The following TBC1D4 variants were observed in gnomAD, a reference collection of about 807,000 sequenced individuals.
TBC1D4 encodes TBC1 domain family member 4, also known as TBC (Tre-2, BUB2, CDC16) domain-containing protein.
A neutral mutation model predicts 142.5 loss-of-function variants in TBC1D4; 121 were observed. That is an observed-to-expected ratio of 0.85 (90% confidence interval 0.73 to 0.99). The LOEUF (loss-of-function observed/expected upper bound fraction) is 0.99. Among genes scored for constraint, TBC1D4 ranks in the 50% least tolerant of loss-of-function variants. The pLI is 0.00. For synonymous variants in TBC1D4, 630 were observed against 628.2 expected, an observed-to-expected ratio of 1.00 and a Z score of -0.04; for missense variants, 1,475 against 1,606.6, an observed-to-expected ratio of 0.92 and a Z score of 1.40.
chr13:75,339,724 C>T (rs935927713), intron 7 of TBC1D4, among the ~76,000 whole-genome samples: 4 of 147,132 alleles, frequency 2.7e-5, no homozygotes, highest in Admixed American at 2.7e-4. Flanking sequence ...TACAGGCACA[C>T]ACCACCACAC....
rs544956387 is a variant in TBC1D4, at chr13:75,469,519, C to T, written c.498+11751G>A. Reference sequence around the variant, plus strand: ...GGTGCTGTGGCTCATACCTGTAATCCCAGCACTTTAGGGGGCTGAAGCAAG... The same window carrying T: ...GGTGCTGTGGCTCATACCTGTAATCTCAGCACTTTAGGGGGCTGAAGCAAG... On this transcript the variant is annotated intron_variant, in intron 1 of 20. Transcript: ENST00000377636. 3.9e-5 allele frequency among the ~76,000 whole-genome samples: 6 copies of T among 152,194 alleles called. No homozygotes were observed. In the South Asian group the frequency reaches 1.2e-3, roughly 32 times the overall value.
At chr13:75,337,192 A>G (rs138694391) in intron 7 of TBC1D4, 152 bp from the exon 8 acceptor site, 3 of 676,904 alleles carry the variant, frequency 4.4e-6, no homozygotes, top group Non-Finnish European at 7.5e-6. Context: ...CACTGTGAAC[A>G]TAATGCTTAT....
chr13:75,314,359 A>G (rs544502177), intron 12 of TBC1D4, among the ~76,000 whole-genome samples: 3 of 152,292 alleles, frequency 2.0e-5, no homozygotes, highest in East Asian at 3.9e-4. Context: ...ACTCTCAGAT[A>G]CTCAAAGGAA....
rs767167235 is a variant in TBC1D4, at chr13:75,289,049, T to C, written c.3548A>G (p.Gln1183Arg). ...ATATGAAGATTCCTGAAGCTCATCC[T>C]GTAGCACATGATATTCCACCTCATA... ...HAYEVEYHVL[Q>R]DELQESSYSC... The change falls in exon 20 of 21, where the codon CAG (glutamine) becomes CGG (arginine). Residue 1183 changes from glutamine to arginine, a missense_variant. Physicochemically the swap from Gln to Arg is conservative, Grantham distance 43. Around this residue, in one of 2 missense-constraint regions of TBC1D4, gnomAD observed 248 missense variants for 338.9 expected, o/e 0.73. Coordinates refer to ENST00000377636, the MANE Select transcript of TBC1D4 (RefSeq NM_014832.5). The C allele has an allele frequency of 6.2e-7, 1 of 1,613,866 alleles. No homozygotes were observed. Among genetic ancestry groups the C allele is most frequent in the Non-Finnish European group, 8.5e-7 (1 of 1,179,922 alleles).
rs575892895 is a variant in TBC1D4, at chr13:75,408,143, GATTTA to G, written c.499-45541_499-45537del. 1.1e-4 allele frequency among the ~76,000 whole-genome samples: 17 copies of G among 152,098 alleles called. No individual in the cohort carries two copies. In the South Asian group the frequency reaches 3.5e-3, roughly 32 times the overall value. On this transcript the variant is annotated intron_variant, in intron 1 of 20. Transcript: ENST00000377636. ...ACCTTACCCCCTTCCCCCAAACACT[GATTTA>G]ATTTCTCTATGTATAGATTTAACTA...
At chr13:75,353,228 A>G (rs1361704881) in intron 4 of TBC1D4, among the ~76,000 whole-genome samples, 1 of 152,202 alleles carries the variant, frequency 6.6e-6, no homozygotes, top group Non-Finnish European at 1.5e-5. Context: ...TCCAAAACTC[A>G]TTCTACATGC....
chr13:75,424,327 GA>G (rs1156367888), intron 1 of TBC1D4, among the ~76,000 whole-genome samples: 1 of 148,848 alleles, frequency 6.7e-6, no homozygotes, highest in Non-Finnish European at 1.5e-5. Context: ...TGTGAATGCA[GA>G]ATTGCTCTAA....
intron 14 of TBC1D4, among the ~76,000 whole-genome samples, chr13:75,307,487 ACTT>A (rs1353632252): frequency 6.6e-6 from 1 of 152,144 alleles, no homozygotes; most frequent in Non-Finnish European, 1.5e-5. Context: ...ACAAGAGTAT[ACTT>A]CTTCTCTTCA....
intron 5 of TBC1D4, among the ~76,000 whole-genome samples, chr13:75,344,158 A>G (rs926824879): frequency 1.3e-5 from 2 of 152,144 alleles, no homozygotes; most frequent in African/African-American, 4.8e-5. Flanking sequence ...CACTATCACA[A>G]TTTATTATTT....
intron 7 of TBC1D4, among the ~76,000 whole-genome samples, chr13:75,338,266 C>T (rs1880391209): frequency 6.6e-6 from 1 of 151,438 alleles, no homozygotes; most frequent in East Asian, 1.9e-4. Context: ...AGAAAGGCCC[C>T]ACCAAGAAAG....
chr13:75,346,747 T>C (rs763293972), intron 5 of TBC1D4, among the ~76,000 whole-genome samples: 1 of 152,016 alleles, frequency 6.6e-6, no homozygotes, highest in African/African-American at 2.4e-5. Context: ...AGTGACGGAG[T>C]GTAGATCAAA....
intron 9 of TBC1D4, among the ~76,000 whole-genome samples, 199 bp from the exon 10 acceptor site, chr13:75,326,622 G>A (rs77271922): frequency 0.032 from 4,895 of 152,238 alleles, 262 homozygotes; most frequent in African/African-American, 0.11. Flanking sequence ...ATAAGCAGCT[G>A]TAATCAGTAT....
rs767381896 is a variant in TBC1D4, at chr13:75,362,399, C to G, written c.707G>C (p.Arg236Pro). 1 of 1,614,212 alleles carries G rather than the reference C, an allele frequency of 6.2e-7. No individual in the cohort carries two copies. The highest frequency in any genetic ancestry group is 2.2e-5 in the East Asian group (1 of 44,884). Residue 236 changes from arginine (R) to proline (P), a missense_variant, in exon 2 of 21, where the codon CGC becomes CCC. Physicochemically the swap from Arg to Pro is moderately radical, Grantham distance 103. This residue lies in a region of TBC1D4 where 1,227 missense variants were observed against 1,267.7 expected (regional missense o/e 0.97). Coordinates refer to ENST00000377636, the MANE Select transcript of TBC1D4 (RefSeq NM_014832.5). This position sits in a 1 kb window ranked among gnomAD's most constrained non-coding sequence, Gnocchi z 4.2. ...GCGCTGCTCCCCTTGGATCTTCAGG[C>G]GCTGCTGTTCGTGCAGGCTGAACTT... ...MEKFSLHEQQRLKIQGEQRGP... is the reference protein window; with the variant it reads ...MEKFSLHEQQPLKIQGEQRGP...
At position 75,302,370 on chromosome 13, in the gene TBC1D4, C is replaced by G; in HGVS notation, c.2784G>C (p.Trp928Cys). ...GTCGGTACTGTAAAGCCAGAAACTGCCAAATTTCTCCTCGTCGACTTTTGG... is the reference window on the plus strand; with the variant it reads ...GTCGGTACTGTAAAGCCAGAAACTGGCAAATTTCTCCTCGTCGACTTTTGG... ...GVPKSRRGEI[W>C]QFLALQYRLR... Residue 928 changes from tryptophan to cysteine, a missense_variant, in exon 16 of 21, where the codon TGG becomes TGC. Trp to Cys is a radical substitution (Grantham distance 215, BLOSUM62 -2). This residue lies in a region of TBC1D4 where 1,227 missense variants were observed against 1,267.7 expected (regional missense o/e 0.97). Coordinates refer to ENST00000377636, the MANE Select transcript of TBC1D4 (RefSeq NM_014832.5). The G allele has an allele frequency of 6.2e-7, 1 of 1,614,054 alleles. No individual in the cohort carries two copies. The highest frequency in any genetic ancestry group is 1.3e-5 in the African/African-American group (1 of 75,022).
intron 1 of TBC1D4, among the ~76,000 whole-genome samples, chr13:75,468,319 A>T (rs1310570913): frequency 6.6e-6 from 1 of 152,212 alleles, no homozygotes; most frequent in East Asian, 1.9e-4. Flanking sequence ...GTTACTAAAT[A>T]GGCTTCCAAA....
intron 8 of TBC1D4, among the ~76,000 whole-genome samples, chr13:75,335,292 C>T (rs558052151): frequency 3.3e-5 from 5 of 152,298 alleles, no homozygotes; most frequent in African/African-American, 1.2e-4. Context: ...CTGCTCTGAG[C>T]CACAGTGGGT....
chr13:75,341,688 ACTTAAAT>A, intron 5 of TBC1D4, 101 bp from the exon 6 acceptor site: 1 of 905,856 alleles, frequency 1.1e-6, no homozygotes, highest in South Asian at 1.4e-5. Context: ...CAGGCTCTGA[ACTTAAAT>A]CTTCTCAAGG....
At chr13:75,379,612 C>G (rs1883704100) in intron 1 of TBC1D4, among the ~76,000 whole-genome samples, 1 of 152,060 alleles carries the variant, frequency 6.6e-6, no homozygotes, top group Non-Finnish European at 1.5e-5. Flanking sequence ...ACATCTATTA[C>G]AAACATAGCA....
At chr13:75,381,316 T>C (rs1037296893) in intron 1 of TBC1D4, among the ~76,000 whole-genome samples, 3 of 152,204 alleles carry the variant, frequency 2.0e-5, no homozygotes, top group Non-Finnish European at 2.9e-5. Context: ...AGTGGGTGAA[T>C]GGCCTATAAC....
Sources: allele counts gnomAD v4.1 joint callset (sites outside exome capture counted in the v4.1 genomes callset), GRCh38; gene constraint gnomAD v4.1.1; regional missense constraint gnomAD v4.1.1; non-coding constraint Gnocchi (gnomAD v3.1); transcripts MANE v1.5; gene names NCBI Gene and HGNC (gene_info 2026-07-23, HGNC 2026-07-21).